Variants in PAX7 observed in about 807,000 individuals in gnomAD.
PAX7 encodes paired box protein Pax-7.
In PAX7, 18 loss-of-function variants were observed where a neutral mutation model predicts 50.7. The observed-to-expected ratio is 0.36, with a 90% confidence interval of 0.25 to 0.53. PAX7 has a LOEUF of 0.53. Among genes scored for constraint, PAX7 ranks in the 20% least tolerant of loss-of-function variants. The probability of loss-of-function intolerance (pLI) is 0.93; values close to 1 mark genes in which losing one functional copy is unlikely to be tolerated. For synonymous variants in PAX7, 310 were observed against 290.4 expected, an observed-to-expected ratio of 1.07 and a Z score of -0.69; for missense variants, 644 against 702.9, an observed-to-expected ratio of 0.92 and a Z score of 0.95.
intron 7 of PAX7, among the ~76,000 whole-genome samples, chr1:18,723,442 A>C (rs1406549299): frequency 6.6e-6 from 1 of 152,218 alleles, no homozygotes; most frequent in Non-Finnish European, 1.5e-5. Context: ...GAATATGGGC[A>C]CTGAGAGGGA....
intron 4 of PAX7, among the ~76,000 whole-genome samples, chr1:18,682,289 G>A (rs541276157): frequency 6.6e-6 from 1 of 152,168 alleles, no homozygotes; most frequent in South Asian, 2.1e-4. Context: ...ATGCTTCCTA[G>A]CCCCCAGGAG....
Position 18,636,506 on chromosome 1 carries a change from C to A in PAX7, c.586+135C>A. ...GAGAAACTCTCATGCTGCGGGGCAGCTGGGAGCCGCTCAGGCTTTGCCGAC... is the reference window on the plus strand; with the variant it reads ...GAGAAACTCTCATGCTGCGGGGCAGATGGGAGCCGCTCAGGCTTTGCCGAC... On this transcript the variant is annotated intron_variant, in intron 4 of 8. Transcript: ENST00000420770. The surrounding 1 kb of genome is among the most constrained non-coding windows in gnomAD (Gnocchi z 5.1). 8.7e-7 allele frequency: 1 copy of A among 1,154,180 alleles called. No homozygotes were observed. Among genetic ancestry groups the A allele is most frequent in the Non-Finnish European group, 1.2e-6 (1 of 818,678 alleles). The allele number at this position is 1,154,180 out of a possible 1,614,324, so 71.5% of individuals were successfully genotyped here.
intron 5 of PAX7, among the ~76,000 whole-genome samples, chr1:18,692,695 G>A (rs2089090318): frequency 6.6e-6 from 1 of 152,268 alleles, no homozygotes; most frequent in African/African-American, 2.4e-5. Context: ...TCAGATGGAT[G>A]ATGAGTGTTC....
At chr1:18,722,631 C>T (rs895533582) in intron 7 of PAX7, among the ~76,000 whole-genome samples, 4 of 152,088 alleles carry the variant, frequency 2.6e-5, no homozygotes, top group Admixed American at 1.3e-4. Context: ...GTGGGTGAGG[C>T]GGCAGGGCGT....
intron 7 of PAX7, among the ~76,000 whole-genome samples, chr1:18,706,414 C>T (rs1462335905): frequency 1.3e-5 from 2 of 152,014 alleles, no homozygotes; most frequent in African/African-American, 2.4e-5. Flanking sequence ...AGATGTGGAC[C>T]TCAAAACTGG....
chr1:18,697,777 C>T (rs993466589), intron 5 of PAX7, among the ~76,000 whole-genome samples: 6 of 152,184 alleles, frequency 3.9e-5, no homozygotes, highest in Admixed American at 2.6e-4. Context: ...TTGGAAGCCC[C>T]TCCTCTGAGC....
At chr1:18,639,008 C>A (rs1012890595) in intron 4 of PAX7, among the ~76,000 whole-genome samples, 7 of 152,224 alleles carry the variant, frequency 4.6e-5, no homozygotes, top group Admixed American at 3.3e-4. Flanking sequence ...AAAATGCTTT[C>A]TCTGGGGGAG....
intron 3 of PAX7, among the ~76,000 whole-genome samples, 154 bp downstream of exon 3, chr1:18,635,394 A>G (rs2088134613): frequency 6.6e-6 from 1 of 152,064 alleles, no homozygotes; most frequent in Non-Finnish European, 1.5e-5. Flanking sequence ...GGCAGAGTTA[A>G]GGCATAGGAG....
At chr1:18,641,798 C>T (rs1273382033) in intron 4 of PAX7, among the ~76,000 whole-genome samples, 1 of 152,168 alleles carries the variant, frequency 6.6e-6, no homozygotes, top group Non-Finnish European at 1.5e-5. Context: ...ATTAATAACA[C>T]ATTTTCCTGA....
intron 8 of PAX7, 111 bp from the exon 9 acceptor site, chr1:18,744,703 T>C (rs1931349663): frequency 3.0e-6 from 2 of 666,732 alleles, no homozygotes; most frequent in Admixed American, 2.2e-5. Flanking sequence ...GATGGATGGA[T>C]GGATGGATGG....
chr1:18,736,123 C>T, intron 8 of PAX7: 1 of 668,412 alleles, frequency 1.5e-6, no homozygotes, highest in Admixed American at 2.8e-5. Context: ...AAATAAAATA[C>T]ACAACACAAA....
chr1:18,631,326 T>A lies in PAX7; in HGVS notation c.-278T>A. The A allele has an allele frequency of 2.8e-6, 1 of 353,730 alleles. No individual in the cohort carries two copies. Among genetic ancestry groups the A allele is most frequent in the South Asian group, 6.9e-5 (1 of 14,588 alleles). The allele number at this position is 353,730 out of a possible 1,614,324, so 21.9% of individuals were successfully genotyped here. A position where few individuals can be genotyped will look rare whatever the true frequency, so the allele number is the denominator to read the frequency against. The stretch of plus-strand genomic sequence containing the variant: ...CCGAGGCCAGCCGGCAGAGGCGGAC[T>A]TGGGGTTGGAGTGTTTGTTTGTTTG... On this transcript the variant is annotated 5_prime_UTR_variant, in exon 1 of 9. In the 5' UTR this introduces an upstream ATG that the reference lacks. Transcript: ENST00000420770.
rs535795735 is a variant in PAX7 at position 18,673,885 on chromosome 1, A to G, written c.587-17869A>G. 2.6e-5 allele frequency among the ~76,000 whole-genome samples: 4 copies of G among 152,328 alleles called. No individual in the cohort carries two copies. In the South Asian group the frequency reaches 8.3e-4, roughly 32 times the overall value. ...GAAGCAGAAGGGGGAATTCGACGGA[A>G]TATCTGTGTGTTGGTTTAGAGTGTC... On this transcript the variant is annotated intron_variant, in intron 4 of 8. Coordinates refer to ENST00000420770, the MANE Select transcript of PAX7 (RefSeq NM_001135254.2).
intron 4 of PAX7, among the ~76,000 whole-genome samples, chr1:18,644,332 C>T (rs2088305552): frequency 6.6e-6 from 1 of 152,246 alleles, no homozygotes; most frequent in Non-Finnish European, 1.5e-5. Flanking sequence ...CCGCAACTCA[C>T]TAGCGATATC....
At chr1:18,695,450 C>T (rs143843218) in intron 5 of PAX7, among the ~76,000 whole-genome samples, 6 of 152,304 alleles carry the variant, frequency 3.9e-5, no homozygotes, top group East Asian at 3.9e-4. Flanking sequence ...CTCATAAATA[C>T]GTGCACAGGT....
chr1:18,735,489 A>C lies in PAX7; in HGVS notation c.1156-143A>C. On this transcript the variant is annotated intron_variant, in intron 7 of 8. Coordinates refer to ENST00000420770, the MANE Select transcript of PAX7 (RefSeq NM_001135254.2). This position sits in a 1 kb window ranked among gnomAD's most constrained non-coding sequence, Gnocchi z 4.0. ...GCATGAGGGCACGCAAATCAGGTAA[A>C]CTGAGGACCTCGAAGCTACAGAGAC... 2.8e-6 allele frequency: 4 copies of C among 1,434,842 alleles called. No homozygotes were observed. In the South Asian group the frequency reaches 5.9e-5, roughly 21 times the overall value. The allele number at this position is 1,434,842 out of a possible 1,614,324, so 88.9% of individuals were successfully genotyped here.
At chr1:18,711,033 C>T (rs1232959159) in intron 7 of PAX7, among the ~76,000 whole-genome samples, 2 of 152,216 alleles carry the variant, frequency 1.3e-5, no homozygotes, top group East Asian at 1.9e-4. Flanking sequence ...CTCCTGCTGC[C>T]CGCTTCCTCC....
Position 18,700,640 on chromosome 1 carries a change from C to A in PAX7, c.787-13C>A, listed in dbSNP as rs1457916212. ...GGCCGAGGGGTCTCCATTCTCTGCTCTCCACCTCCCAGGTCTGGTTCAGTA... is the reference window on the plus strand; with the variant it reads ...GGCCGAGGGGTCTCCATTCTCTGCTATCCACCTCCCAGGTCTGGTTCAGTA... On this transcript the variant is annotated splice_polypyrimidine_tract_variant and intron_variant, in intron 5 of 8. Coordinates refer to ENST00000420770, the MANE Select transcript of PAX7 (RefSeq NM_001135254.2). This position sits in a 1 kb window ranked among gnomAD's most constrained non-coding sequence, Gnocchi z 4.8. 1.3e-6 allele frequency: 2 copies of A among 1,518,978 alleles called. No homozygotes were observed. The highest frequency in any genetic ancestry group is 4.3e-5 in the Admixed American group (2 of 46,530). 94.1% of individuals were successfully genotyped at this position (1,518,978 alleles called of 1,614,324 possible).
intron 4 of PAX7, among the ~76,000 whole-genome samples, chr1:18,672,776 T>C (rs2088771378): frequency 1.3e-5 from 2 of 151,856 alleles, no homozygotes; most frequent in South Asian, 4.2e-4. Flanking sequence ...CGGCTAATTT[T>C]TGTAGTTTTG....
Sources: allele counts gnomAD v4.1 joint callset (sites outside exome capture counted in the v4.1 genomes callset), GRCh38; gene constraint gnomAD v4.1.1; non-coding constraint Gnocchi (gnomAD v3.1); transcripts MANE v1.5; gene names NCBI Gene and HGNC (gene_info 2026-07-23, HGNC 2026-07-21).